Variants in ALOXE3 observed in about 807,000 individuals in gnomAD.
ALOXE3 encodes hydroperoxide isomerase ALOXE3.
ALOXE3 carries 78 observed loss-of-function variants against 87.5 expected under a neutral mutation model. The observed-to-expected ratio is 0.89, with a 90% CI of 0.74 to 1.08. The LOEUF (loss-of-function observed/expected upper bound fraction) is 1.08. Among genes scored for constraint, ALOXE3 ranks in the 50% least tolerant of loss-of-function variants. ALOXE3 has a pLI of 0.00. For synonymous variants in ALOXE3, 363 were observed against 370.8 expected (o/e 0.98, Z 0.24); for missense variants, 946 against 912.4 (o/e 1.04, Z -0.47).
chr17:8,100,415 A>G (rs1978851846), intron 15 of ALOXE3, among the ~76,000 whole-genome samples: 1 of 152,162 alleles, frequency 6.6e-6, no homozygotes, highest in African/African-American at 2.4e-5. Context: ...CCCAGTCACC[A>G]GCTGATTGCA....
intron 15 of ALOXE3, among the ~76,000 whole-genome samples, chr17:8,103,059 T>C (rs1399367561): frequency 6.6e-6 from 1 of 152,236 alleles, no homozygotes; most frequent in Non-Finnish European, 1.5e-5. Context: ...CAAATGTTTA[T>C]TGAATGTTTG....
chr17:8,109,437 G>A lies in ALOXE3; in HGVS notation c.1393-94C>T, dbSNP rs1979818425. 9.2e-6 allele frequency: 14 copies of A among 1,517,716 alleles called. No individual in the cohort carries two copies. In the South Asian group the frequency reaches 1.5e-4, roughly 17 times the overall value. The allele number at this position is 1,517,716 out of a possible 1,614,324, so 94.0% of individuals were successfully genotyped here. A position where few individuals can be genotyped will look rare whatever the true frequency, so the allele number is the denominator to read the frequency against. Reference sequence around the variant, plus strand: ...GGGCTGGGGACTCGGCCCAAGGAGGGCCTTCTTCGGTTCACCAAGCAATCC... The same window carrying A: ...GGGCTGGGGACTCGGCCCAAGGAGGACCTTCTTCGGTTCACCAAGCAATCC... On this transcript the variant is annotated intron_variant, in intron 11 of 15. Coordinates refer to ENST00000448843, the MANE Select transcript of ALOXE3 (RefSeq NM_021628.3).
chr17:8,118,457 A>C (rs532227115), intron 1 of ALOXE3, 29 bp downstream of exon 1: 2 of 1,549,716 alleles, frequency 1.3e-6, no homozygotes, highest in Non-Finnish European at 1.7e-6. Flanking sequence ...GTTCCTCCCC[A>C]TTCCCAGGCA....
intron 3 of ALOXE3, 54 bp downstream of exon 3, chr17:8,116,722 C>G: frequency 6.3e-7 from 1 of 1,590,842 alleles, no homozygotes; most frequent in Non-Finnish European, 8.6e-7. Context: ...GACCCCACTC[C>G]TAATCCCAAA....
intron 15 of ALOXE3, among the ~76,000 whole-genome samples, chr17:8,103,122 A>G (rs1355508501): frequency 6.6e-6 from 1 of 152,228 alleles, no homozygotes; most frequent in African/African-American, 2.4e-5. Context: ...GGATGGACGG[A>G]CAGATTGGTA....
intron 8 of ALOXE3, among the ~76,000 whole-genome samples, chr17:8,110,939 A>G (rs1019656219): frequency 6.6e-6 from 1 of 152,176 alleles, no homozygotes; most frequent in Admixed American, 6.5e-5. Flanking sequence ...CCCCAAAAAG[A>G]CTGGGTTAGC....
At position 8,118,205 on chromosome 17, in the gene ALOXE3, C is replaced by T. The variant is rs937950685; in HGVS notation, c.-215G>A. On this transcript the variant is annotated 5_prime_UTR_variant, in exon 2 of 16. Transcript: ENST00000448843. ...GCTGGCGGCTCGGGCTTCCTCTCTC[C>T]GCCCACAGTCTTGCACTCTAATACT... 6 of 1,551,612 alleles carry T rather than the reference C, an allele frequency of 3.9e-6. No homozygotes were observed. In the Admixed American group the frequency reaches 1.2e-4, roughly 30 times the overall value.
intron 13 of ALOXE3, among the ~76,000 whole-genome samples, chr17:8,107,817 GAA>G (rs1213102850): frequency 4.2e-4 from 1 of 2,376 alleles, no homozygotes; most frequent in African/African-American, 1.4e-3. Context: ...AAACAAGAAA[GAA>G]AGAAAGAAAG....
intron 15 of ALOXE3, among the ~76,000 whole-genome samples, chr17:8,097,480 G>A (rs942990584): frequency 6.6e-6 from 1 of 152,074 alleles, no homozygotes; most frequent in African/African-American, 2.4e-5. Context: ...TGGTTCTAAG[G>A]TACCTTCACA....
intron 13 of ALOXE3, among the ~76,000 whole-genome samples, chr17:8,106,344 T>A (rs940258998): frequency 2.0e-5 from 3 of 151,728 alleles, no homozygotes; most frequent in African/African-American, 7.3e-5. Flanking sequence ...GTGTGGGAGT[T>A]TTCTGAAGGT....
At chr17:8,111,248 A>G (rs1171607292) in intron 8 of ALOXE3, 111 bp downstream of exon 8, 11 of 1,354,640 alleles carry the variant, frequency 8.1e-6, no homozygotes, top group Admixed American at 1.7e-5. Context: ...TGAGGCCCAC[A>G]GGTGAAATGC....
rs1980450768 is a variant in ALOXE3 at position 8,114,925 on chromosome 17, C to T, written c.554+13G>A. On this transcript the variant is annotated intron_variant, in intron 5 of 15. Transcript: ENST00000448843. ...GACTTCCTTTCCCCTCCTTCCCAAG[C>T]TTTAATCTTCACCTGTCACCCTGGT... 6.2e-7 allele frequency: 1 copy of T among 1,614,002 alleles called. No individual in the cohort carries two copies. The highest frequency in any genetic ancestry group is 8.5e-7 in the Non-Finnish European group (1 of 1,179,976).
chr17:8,114,647 G>A (rs200914735), intron 5 of ALOXE3, 38 bp from the exon 6 acceptor site: 369 of 1,613,120 alleles, frequency 2.3e-4, no homozygotes, highest in Non-Finnish European at 2.9e-4. Flanking sequence ...AAACCAGTCA[G>A]TGGGCCCTGA....
At chr17:8,107,878 A>G (rs1444186286) in intron 13 of ALOXE3, among the ~76,000 whole-genome samples, 8 of 3,772 alleles carry the variant, frequency 2.1e-3, no homozygotes, top group Non-Finnish European at 4.7e-3. Context: ...AGAAAGAAAG[A>G]AAGAAAGAAA....
At chr17:8,100,597 A>T (rs1308274027) in intron 15 of ALOXE3, among the ~76,000 whole-genome samples, 1 of 152,130 alleles carries the variant, frequency 6.6e-6, no homozygotes, top group Non-Finnish European at 1.5e-5. Flanking sequence ...TCAGATTGAC[A>T]TCTAATTTCT....
At chr17:8,096,895 G>A in intron 15 of ALOXE3, 89 bp from the exon 16 acceptor site, 1 of 1,482,712 alleles carries the variant, frequency 6.7e-7, no homozygotes, top group East Asian at 2.3e-5. Context: ...ATCCAGTCAA[G>A]GTGGCTTCTA....
chr17:8,116,351 C>A (rs1980585324), intron 3 of ALOXE3, among the ~76,000 whole-genome samples: 1 of 152,092 alleles, frequency 6.6e-6, no homozygotes, highest in Non-Finnish European at 1.5e-5. Context: ...ACTAGAAAAG[C>A]TAGTAGTAGG....
Position 8,116,987 on chromosome 17 carries a change from G to T in ALOXE3, c.148-7C>A. ...GCACCTTGTACTTCTGTACCTGAGG[G>T]GACCAAGACAGCAAGCAGGTGAGAG... On this transcript the variant is annotated splice_region_variant and splice_polypyrimidine_tract_variant and intron_variant, in intron 2 of 15. Transcript: ENST00000448843. The T allele has an allele frequency of 6.2e-7, 1 of 1,612,818 alleles. No individual in the cohort carries two copies. The highest frequency in any genetic ancestry group is 8.5e-7 in the Non-Finnish European group (1 of 1,179,380).
Position 8,104,135 on chromosome 17 carries a change from C to T in ALOXE3, c.1765G>A (p.Ala589Thr), listed in dbSNP as rs149953964. 512 of 1,613,792 alleles carry T rather than the reference C, an allele frequency of 3.2e-4. 1 individual carries two copies. Among genetic ancestry groups the T allele is most frequent in the Non-Finnish European group, 4.2e-4 (494 of 1,179,920 alleles). The change falls in exon 14 of 16, where the codon GCT becomes ACT. Residue 589 changes from alanine (A) to threonine (T), a missense_variant. Physicochemically the swap from Ala to Thr is moderately conservative, Grantham distance 58 (BLOSUM62 0). Coordinates refer to ENST00000448843, the MANE Select transcript of ALOXE3 (RefSeq NM_021628.3). Reference sequence around the variant, plus strand: ...CTCACCTGCCCACTGTTGACAGCAGCGTGCTGGGCAGAGCAATTGAAGATG... The same window carrying T: ...CTCACCTGCCCACTGTTGACAGCAGTGTGCTGGGCAGAGCAATTGAAGATG... ...AIIFNCSAQH[A>T]AVNSGQHDFG... is the part of the protein sequence containing the mutation.
Sources: allele counts gnomAD v4.1 joint callset (sites outside exome capture counted in the v4.1 genomes callset), GRCh38; gene constraint gnomAD v4.1.1; transcripts MANE v1.5; gene names NCBI Gene and HGNC (gene_info 2026-07-23, HGNC 2026-07-21).